RXRG: variants seen among roughly 807,000 people sequenced by gnomAD.
The protein encoded by RXRG is retinoid X receptor gamma.
RXRG carries 19 observed loss-of-function variants against 49.2 expected under a neutral mutation model. The observed-to-expected ratio is 0.39, with a 90% CI of 0.27 to 0.57. The LOEUF (loss-of-function observed/expected upper bound fraction) is 0.57. Ranked by LOEUF, RXRG falls within the 20% of genes least tolerant of loss-of-function variation. RXRG has a pLI of 0.64. For missense variants in RXRG, 452 were observed against 592.5 expected (o/e 0.76, Z 2.46); for synonymous variants, 224 against 216.6 (o/e 1.03, Z -0.30).
At chr1:165,406,177 GC>G (rs1657742343) in intron 9 of RXRG, among the ~76,000 whole-genome samples, 3 of 80,128 alleles carry the variant, frequency 3.7e-5, no homozygotes, top group Non-Finnish European at 1.1e-4. Context: ...TACCTATACT[GC>G]TAGATGGCCT....
chr1:165,410,296 ACAG>A (rs1269989438), intron 6 of RXRG, among the ~76,000 whole-genome samples: 1 of 152,224 alleles, frequency 6.6e-6, no homozygotes, highest in African/African-American at 2.4e-5. Context: ...AAAAGAAAAT[ACAG>A]CACATAGAGT....
At chr1:165,437,499 G>A (rs188226969) in intron 1 of RXRG, among the ~76,000 whole-genome samples, 300 of 152,236 alleles carry the variant, frequency 2.0e-3, no homozygotes, top group African/African-American at 7.0e-3. Context: ...AATATAGTTC[G>A]CTGTATTTTA....
At chr1:165,434,742 C>T (rs1309866656) in intron 1 of RXRG, among the ~76,000 whole-genome samples, 1 of 152,200 alleles carries the variant, frequency 6.6e-6, no homozygotes, top group Non-Finnish European at 1.5e-5. Flanking sequence ...TGTCTCTGTT[C>T]CTCCAGTGGA....
intron 2 of RXRG, among the ~76,000 whole-genome samples, chr1:165,422,245 T>C (rs754979374): frequency 6.6e-6 from 1 of 152,256 alleles, no homozygotes; most frequent in African/African-American, 2.4e-5. Flanking sequence ...TAATTAATTA[T>C]GTTAATCCTC....
chr1:165,434,261 C>A (rs893534368), intron 1 of RXRG, among the ~76,000 whole-genome samples: 1 of 125,874 alleles, frequency 7.9e-6, no homozygotes, highest in South Asian at 2.6e-4. Context: ...AATCTCTAAA[C>A]AATGAATTGC....
intron 1 of RXRG, among the ~76,000 whole-genome samples, chr1:165,443,134 G>A (rs545785058): frequency 5.3e-5 from 8 of 152,182 alleles, no homozygotes; most frequent in African/African-American, 1.9e-4. Flanking sequence ...AGCCCCCATG[G>A]AATTTTAACT....
rs895939903 is a variant in RXRG at position 165,424,783 on chromosome 1, C to T, written c.297+3936G>A. 3.0e-6 allele frequency: 3 copies of T among 985,410 alleles called. No homozygotes were observed. The African/African-American group carries it at 5.2e-5, about 17-fold the overall frequency. The allele number at this position is 985,410 out of a possible 1,614,324, so 61.0% of individuals were successfully genotyped here. ...CCAGGTCACAGAATGAACATGCTTCCATCATGAATCCCTCTCAGACCAGTC... is the reference window on the plus strand; with the variant it reads ...CCAGGTCACAGAATGAACATGCTTCTATCATGAATCCCTCTCAGACCAGTC... On this transcript the variant is annotated intron_variant, in intron 2 of 9. Transcript: ENST00000359842.
intron 2 of RXRG, among the ~76,000 whole-genome samples, chr1:165,428,096 T>C (rs925905049): frequency 6.6e-6 from 1 of 152,160 alleles, no homozygotes; most frequent in African/African-American, 2.4e-5. Context: ...AGTAAAGATA[T>C]CTGGCCATCC....
chr1:165,426,028 T>G (rs976361897), intron 2 of RXRG, among the ~76,000 whole-genome samples: 3 of 152,370 alleles, frequency 2.0e-5, no homozygotes, highest in African/African-American at 7.2e-5. Flanking sequence ...TGTTTTTGAC[T>G]GGCTGTGTGA....
chr1:165,431,627 T>C (rs990827510), intron 1 of RXRG, among the ~76,000 whole-genome samples: 3 of 152,216 alleles, frequency 2.0e-5, no homozygotes, highest in Non-Finnish European at 4.4e-5. Flanking sequence ...CTTTCCTTTT[T>C]ATTCTGCTTT....
At chr1:165,413,963 G>A (rs1658040121) in intron 4 of RXRG, among the ~76,000 whole-genome samples, 1 of 152,220 alleles carries the variant, frequency 6.6e-6, no homozygotes, top group Admixed American at 6.5e-5. Flanking sequence ...TTATCTGTGT[G>A]ATTTCCATGG....
At chr1:165,409,809 G>A in intron 6 of RXRG, 119 bp from the exon 7 acceptor site, 1 of 976,400 alleles carries the variant, frequency 1.0e-6, no homozygotes, top group Non-Finnish European at 1.4e-6. Flanking sequence ...AATCTAGGGA[G>A]GTTAAGAATT....
At chr1:165,405,427 G>A (rs565422828) in intron 9 of RXRG, among the ~76,000 whole-genome samples, 1 of 152,200 alleles carries the variant, frequency 6.6e-6, no homozygotes, top group Non-Finnish European at 1.5e-5. Flanking sequence ...CTGTTCTTCG[G>A]CATACAACAG....
intron 2 of RXRG, among the ~76,000 whole-genome samples, chr1:165,428,371 C>T (rs1658559251): frequency 6.6e-6 from 1 of 152,212 alleles, no homozygotes; most frequent in Non-Finnish European, 1.5e-5. Flanking sequence ...GAGCACGTGG[C>T]ACTTCAGTGA....
intron 1 of RXRG, among the ~76,000 whole-genome samples, chr1:165,429,225 G>T (rs1056631550): frequency 2.6e-5 from 4 of 152,142 alleles, no homozygotes; most frequent in African/African-American, 9.7e-5. Flanking sequence ...AATCCACTCT[G>T]GACTATGCTG....
chr1:165,437,498 C>G lies in RXRG; in HGVS notation c.49+7347G>C, dbSNP rs899428857. On this transcript the variant is annotated intron_variant, in intron 1 of 9. Coordinates refer to ENST00000359842, the MANE Select transcript of RXRG (RefSeq NM_006917.5). ...GTAACATGGGACTAGGAATATAGTT[C>G]GCTGTATTTTAAGAGACTGCCGTCT... 3.9e-5 allele frequency among the ~76,000 whole-genome samples: 6 copies of G among 152,144 alleles called. No individual in the cohort carries two copies. The South Asian group carries it at 1.2e-3, about 32-fold the overall frequency.
chr1:165,422,954 C>T (rs1658368917), intron 2 of RXRG, among the ~76,000 whole-genome samples: 1 of 152,164 alleles, frequency 6.6e-6, no homozygotes, highest in African/African-American at 2.4e-5. Flanking sequence ...CCTCAACTGC[C>T]CTAGCAGCTT....
rs1300615332 is a variant in RXRG at position 165,410,691 on chromosome 1, A to G, written c.913+11T>C. On this transcript the variant is annotated intron_variant, in intron 6 of 9. Coordinates refer to ENST00000359842, the MANE Select transcript of RXRG (RefSeq NM_006917.5). Reference sequence around the variant, plus strand: ...ATTGTCCCAGGAAAAAAGGCAGCCAATGTGCTTTACCTGCCCGAAGCAAAA... The same window carrying G: ...ATTGTCCCAGGAAAAAAGGCAGCCAGTGTGCTTTACCTGCCCGAAGCAAAA... 2 of 1,613,048 alleles carry G rather than the reference A, an allele frequency of 1.2e-6. No homozygotes were observed. Among genetic ancestry groups the G allele is most frequent in the Non-Finnish European group, 1.7e-6 (2 of 1,179,664 alleles).
intron 9 of RXRG, among the ~76,000 whole-genome samples, chr1:165,401,678 T>G (rs976790197): frequency 1.3e-5 from 2 of 152,150 alleles, no homozygotes; most frequent in Admixed American, 1.3e-4. Context: ...TCAGCTCCCC[T>G]CATTCACAGT....
Sources: allele counts gnomAD v4.1 joint callset (sites outside exome capture counted in the v4.1 genomes callset), GRCh38; gene constraint gnomAD v4.1.1; transcripts MANE v1.5; gene names NCBI Gene and HGNC (gene_info 2026-07-23, HGNC 2026-07-21).